NYAP2: variants seen among roughly 807,000 people sequenced by gnomAD.
NYAP2 encodes the protein neuronal tyrosine-phosphorylated phosphoinositide-3-kinase adaptor 2.
NYAP2 carries 23 observed loss-of-function variants against 50.4 expected under a neutral mutation model. That is an observed-to-expected ratio of 0.46 (90% confidence interval 0.33 to 0.65). NYAP2 has a LOEUF of 0.65. Ranked by LOEUF, NYAP2 falls within the 30% of genes least tolerant of loss-of-function variation. The pLI, the probability that NYAP2 is intolerant of heterozygous loss-of-function variation, is 0.02. For synonymous variants in NYAP2, 394 were observed against 365.2 expected, an observed-to-expected ratio of 1.08 and a Z score of -0.90; for missense variants, 885 against 861.0, an observed-to-expected ratio of 1.03 and a Z score of -0.35.
At chr2:225,456,916 C>A (rs544850707) in intron 3 of NYAP2, among the ~76,000 whole-genome samples, 2 of 152,148 alleles carry the variant, frequency 1.3e-5, no homozygotes, top group African/African-American at 4.8e-5. Context: ...AAAGACTTTC[C>A]CCCCTTCTTC....
intron 4 of NYAP2, among the ~76,000 whole-genome samples, chr2:225,542,998 T>A (rs1030561884): frequency 6.6e-6 from 1 of 152,032 alleles, no homozygotes; most frequent in Admixed American, 6.6e-5. Flanking sequence ...TCTTGGTAGG[T>A]TGTATGTGTC....
At chr2:225,458,263 G>A (rs575989938) in intron 3 of NYAP2, among the ~76,000 whole-genome samples, 5 of 152,228 alleles carry the variant, frequency 3.3e-5, no homozygotes, top group Non-Finnish European at 5.9e-5. Flanking sequence ...GAGGTGGGAG[G>A]ATCGCTTGAG....
At chr2:225,423,473 C>A (rs1323885575) in intron 3 of NYAP2, among the ~76,000 whole-genome samples, 1 of 152,108 alleles carries the variant, frequency 6.6e-6, no homozygotes, top group East Asian at 1.9e-4. Context: ...TCTGTCACCC[C>A]AGAATTGAAT....
At chr2:225,446,024 A>G (rs1475964890) in intron 3 of NYAP2, among the ~76,000 whole-genome samples, 1 of 151,926 alleles carries the variant, frequency 6.6e-6, no homozygotes, top group Non-Finnish European at 1.5e-5. Context: ...TAGAAAGTGT[A>G]TGGAACTTTG....
At chr2:225,443,759 T>C (rs1185046756) in intron 3 of NYAP2, among the ~76,000 whole-genome samples, 1 of 152,244 alleles carries the variant, frequency 6.6e-6, no homozygotes, top group East Asian at 1.9e-4. Context: ...TTGAGTTTTC[T>C]TCTAAAGAAC....
At chr2:225,590,572 C>A (rs1275498272) in intron 5 of NYAP2, among the ~76,000 whole-genome samples, 1 of 152,194 alleles carries the variant, frequency 6.6e-6, no homozygotes, top group Non-Finnish European at 1.5e-5. Flanking sequence ...AACTTGGGGA[C>A]ATATGGTTAA....
intron 3 of NYAP2, among the ~76,000 whole-genome samples, chr2:225,444,332 A>G (rs1036418831): frequency 5.9e-5 from 9 of 152,214 alleles, no homozygotes; most frequent in African/African-American, 2.2e-4. Flanking sequence ...CCCTGAGTAC[A>G]GTGTTTCTTT....
chr2:225,687,386 C>T, the NYAP2 span, among the ~76,000 whole-genome samples: 5 of 152,080 alleles, frequency 3.3e-5, no homozygotes, highest in African/African-American at 7.2e-5. Flanking sequence ...TCCAAAGTCA[C>T]AAGATAGAAG....
chr2:225,683,016 C>T, the NYAP2 span, among the ~76,000 whole-genome samples: 1 of 152,070 alleles, frequency 6.6e-6, no homozygotes, highest in African/African-American at 2.4e-5. Context: ...CATTTCCCCC[C>T]CCCATTCTGT....
At chr2:225,530,649 T>C (rs1426255893) in intron 4 of NYAP2, among the ~76,000 whole-genome samples, 2 of 152,178 alleles carry the variant, frequency 1.3e-5, no homozygotes, top group Non-Finnish European at 2.9e-5. Flanking sequence ...CTCACTCTAA[T>C]CTTTGTTGAA....
chr2:225,639,841 A>ACGCATC (rs1446620492), intron 6 of NYAP2, among the ~76,000 whole-genome samples: 1 of 152,134 alleles, frequency 6.6e-6, no homozygotes, highest in African/African-American at 2.4e-5. Context: ...GTGTGTTTCA[A>ACGCATC]CGCATCCTAA....
At chr2:225,596,619 T>A (rs1042853657) in intron 5 of NYAP2, among the ~76,000 whole-genome samples, 10 of 152,310 alleles carry the variant, frequency 6.6e-5, no homozygotes, top group African/African-American at 2.4e-4. Context: ...CTAATTTTTT[T>A]TAAAAAATAG....
chr2:225,492,863 C>T (rs138342052), intron 3 of NYAP2, among the ~76,000 whole-genome samples: 2 of 152,212 alleles, frequency 1.3e-5, no homozygotes, highest in African/African-American at 4.8e-5. Context: ...CAAATACCTC[C>T]TATGAGGCCA....
At chr2:225,641,223 C>T (rs1574725386) in intron 6 of NYAP2, among the ~76,000 whole-genome samples, 1 of 152,114 alleles carries the variant, frequency 6.6e-6, no homozygotes, top group Non-Finnish European at 1.5e-5. Flanking sequence ...GGAGATGCTG[C>T]ACCAACAGTG....
rs368775685 is a variant in NYAP2, at chr2:225,504,376, A to T, written c.222-8995A>T. 2.9e-4 allele frequency among the ~76,000 whole-genome samples: 44 copies of T among 152,258 alleles called. No homozygotes were observed. The South Asian group carries it at 7.9e-3, about 27-fold the overall frequency. ...GACTTAATCACTTCCCAAAGTCTCCATCTGCAAATACCATCACACTGGGGA... is the reference window on the plus strand; with the variant it reads ...GACTTAATCACTTCCCAAAGTCTCCTTCTGCAAATACCATCACACTGGGGA... On this transcript the variant is annotated intron_variant, in intron 3 of 6. Transcript: ENST00000636099.
chr2:225,484,810 C>T (rs1228560480), intron 3 of NYAP2, among the ~76,000 whole-genome samples: 2 of 152,222 alleles, frequency 1.3e-5, no homozygotes, highest in Admixed American at 6.5e-5. Context: ...CTGGTGGTTT[C>T]CAAAGCGTGG....
At chr2:225,652,911 GAA>G (rs1454233258) in exon 7 of NYAP2, 2 of 152,138 alleles carry the variant, frequency 1.3e-5, no homozygotes, top group African/African-American at 4.8e-5. Context: ...GCAAATACAA[GAA>G]ATGAGAGGCT....
At chr2:225,635,313 T>G (rs538698444) in intron 6 of NYAP2, among the ~76,000 whole-genome samples, 1 of 152,296 alleles carries the variant, frequency 6.6e-6, no homozygotes, top group African/African-American at 2.4e-5. Context: ...TATTAATAAA[T>G]TAATATTTTG....
chr2:225,450,686 A>C (rs2106147336), intron 3 of NYAP2, among the ~76,000 whole-genome samples: 1 of 152,342 alleles, frequency 6.6e-6, no homozygotes, highest in East Asian at 1.9e-4. Context: ...AGTCCTTAGA[A>C]AAGTGGCTGC....
Sources: allele counts gnomAD v4.1 joint callset (sites outside exome capture counted in the v4.1 genomes callset), GRCh38; gene constraint gnomAD v4.1.1; transcripts MANE v1.5; gene names NCBI Gene and HGNC (gene_info 2026-07-23, HGNC 2026-07-21).